The following PRKG1 variants were observed in gnomAD, a reference collection of about 807,000 sequenced individuals.
PRKG1 encodes the protein protein kinase cGMP-dependent 1.
A neutral mutation model predicts 88.1 loss-of-function variants in PRKG1; 35 were observed. The observed-to-expected ratio is 0.40, with a 90% CI of 0.30 to 0.53. PRKG1 has a LOEUF of 0.53. PRKG1 is among the 20% of genes least tolerant of loss of function. The pLI is 0.59. For synonymous variants in PRKG1, 303 were observed against 292.5 expected, an observed-to-expected ratio of 1.04 and a Z score of -0.37; for missense variants, 540 against 839.8, an observed-to-expected ratio of 0.64 and a Z score of 4.41.
chr10:52,026,117 A>G (rs190906356), intron 5 of PRKG1, among the ~76,000 whole-genome samples: 88 of 152,194 alleles, frequency 5.8e-4, no homozygotes, highest in African/African-American at 2.1e-3. Flanking sequence ...CTAGCCATAT[A>G]CAGAAAGCTA....
chr10:51,329,579 G>A (rs1048178943), intron 2 of PRKG1, among the ~76,000 whole-genome samples: 1 of 152,210 alleles, frequency 6.6e-6, no homozygotes, highest in Non-Finnish European at 1.5e-5. Context: ...TCAGCTTAAA[G>A]AATTCTGTCT....
At chr10:51,753,720 T>C (rs1335979631) in intron 3 of PRKG1, among the ~76,000 whole-genome samples, 2 of 152,186 alleles carry the variant, frequency 1.3e-5, no homozygotes, top group Non-Finnish European at 2.9e-5. Context: ...TCAACAAGTA[T>C]ATTTTTTAGA....
rs1057491684 is a variant in PRKG1 at position 52,039,995 on chromosome 10, A to G, written c.763-14489A>G. ...TAGACAGAAACAAAAAATCCTTACC[A>G]TAAGAACCACATCCTCCAATGTGTG... On this transcript the variant is annotated intron_variant, in intron 5 of 17. Transcript: ENST00000373980. Among the ~76,000 whole-genome samples, 9 of 152,240 alleles carry G rather than the reference A, an allele frequency of 5.9e-5. No individual in the cohort carries two copies. The East Asian group carries it at 1.4e-3, about 23-fold the overall frequency.
At chr10:52,145,132 G>T (rs1837696016) in intron 8 of PRKG1, among the ~76,000 whole-genome samples, 1 of 152,136 alleles carries the variant, frequency 6.6e-6, no homozygotes, top group Admixed American at 6.5e-5. Context: ...TTTACAATCA[G>T]ATGATGAATG....
intron 2 of PRKG1, among the ~76,000 whole-genome samples, chr10:51,249,518 TA>T (rs1370572358): frequency 6.6e-6 from 1 of 151,908 alleles, no homozygotes; most frequent in Non-Finnish European, 1.5e-5. Context: ...ATTTAATTGA[TA>T]TATTCTAATC....
intron 2 of PRKG1, among the ~76,000 whole-genome samples, chr10:51,200,553 A>G (rs1837887662): frequency 6.6e-6 from 1 of 152,194 alleles, no homozygotes; most frequent in Non-Finnish European, 1.5e-5. Context: ...CCAGATTGTA[A>G]CCATGTTGAA....
Position 51,238,634 on chromosome 10 carries a change from G to T in PRKG1, c.478+85304G>T, listed in dbSNP as rs374680246. ...CAAAATTAGCTGGGTGTGGTGGTGC[G>T]CCCGTAATCTCAGCTTCTCAGGAGG... On this transcript the variant is annotated intron_variant, in intron 2 of 17. Transcript: ENST00000373980. Among the ~76,000 whole-genome samples, 5 of 144,798 alleles carry T rather than the reference G, an allele frequency of 3.5e-5. No individual in the cohort carries two copies. The South Asian group carries it at 1.1e-3, about 32-fold the overall frequency. The allele number at this position is 144,798 out of a possible 152,430, so 95.0% of individuals were successfully genotyped here.
intron 9 of PRKG1, among the ~76,000 whole-genome samples, chr10:52,209,446 G>C (rs1036020180): frequency 6.6e-6 from 1 of 152,148 alleles, no homozygotes; most frequent in East Asian, 1.9e-4. Context: ...ATTTTACCTT[G>C]AGTTGTCTAT....
chr10:51,028,592 T>A (rs1365528928), intron 1 of PRKG1, among the ~76,000 whole-genome samples: 1 of 151,790 alleles, frequency 6.6e-6, no homozygotes, highest in East Asian at 1.9e-4. Context: ...AAAAAAAAAT[T>A]CAGATAACAG....
chr10:51,528,704 C>T (rs1428585423), intron 3 of PRKG1, among the ~76,000 whole-genome samples: 2 of 152,056 alleles, frequency 1.3e-5, no homozygotes, highest in Non-Finnish European at 2.9e-5. Flanking sequence ...ATAACTCTTG[C>T]AGAGGGCTAA....
chr10:51,742,529 A>G (rs190945336), intron 3 of PRKG1, among the ~76,000 whole-genome samples: 1 of 152,304 alleles, frequency 6.6e-6, no homozygotes, highest in East Asian at 1.9e-4. Flanking sequence ...TGCAGGTGGT[A>G]TGAAAGAGGT....
chr10:51,136,427 C>T lies in PRKG1; in HGVS notation c.312-16737C>T, dbSNP rs546058997. ...CTCAGCTTATAGATAGTAATTTCAG[C>T]GAAATTATCTCAGGAGAATATGTTA... On this transcript the variant is annotated intron_variant, in intron 1 of 17. Transcript: ENST00000373980. Among the ~76,000 whole-genome samples the T allele has an allele frequency of 1.3e-4, 19 of 151,636 alleles. No individual in the cohort carries two copies. In the South Asian group the frequency reaches 3.8e-3, roughly 30 times the overall value.
chr10:51,412,211 G>A (rs766471040), intron 2 of PRKG1, among the ~76,000 whole-genome samples: 52 of 124,024 alleles, frequency 4.2e-4, no homozygotes, highest in Middle Eastern at 4.1e-3. Context: ...GAGAGAGAGA[G>A]AGAAAGAAAG....
intron 2 of PRKG1, among the ~76,000 whole-genome samples, chr10:51,256,406 T>C (rs1477712460): frequency 6.6e-6 from 1 of 152,180 alleles, no homozygotes; most frequent in African/African-American, 2.4e-5. Context: ...ATGAATGTAC[T>C]GTACTTCTAG....
At chr10:51,337,743 A>G (rs909450975) in intron 2 of PRKG1, among the ~76,000 whole-genome samples, 1 of 152,288 alleles carries the variant, frequency 6.6e-6, no homozygotes, top group Middle Eastern at 3.4e-3. Context: ...TAAAAAGTCA[A>G]GAAACAACAG....
At chr10:52,238,801 C>T (rs1840763950) in intron 9 of PRKG1, among the ~76,000 whole-genome samples, 1 of 150,426 alleles carries the variant, frequency 6.6e-6, no homozygotes, top group East Asian at 2.0e-4. Context: ...TACCATTTGA[C>T]CCAGCCATCC....
intron 2 of PRKG1, among the ~76,000 whole-genome samples, chr10:51,159,940 G>T (rs1186597818): frequency 8.1e-6 from 1 of 123,244 alleles, no homozygotes; most frequent in Non-Finnish European, 1.6e-5. Flanking sequence ...TGGACCAAAA[G>T]TGAAATGGGC....
intron 5 of PRKG1, among the ~76,000 whole-genome samples, chr10:52,045,398 T>G (rs1845838862): frequency 1.3e-5 from 2 of 152,082 alleles, no homozygotes; most frequent in Non-Finnish European, 2.9e-5. Flanking sequence ...CAAGCACAAA[T>G]GCCTTGTAGC....
chr10:51,804,451 G>A, intron 3 of PRKG1, 134 bp from the exon 4 acceptor site: 1 of 642,678 alleles, frequency 1.6e-6, no homozygotes, highest in Non-Finnish European at 2.7e-6. Flanking sequence ...TGTGATATTA[G>A]CTTTAAATGT....
Sources: allele counts gnomAD v4.1 joint callset (sites outside exome capture counted in the v4.1 genomes callset), GRCh38; gene constraint gnomAD v4.1.1; transcripts MANE v1.5; gene names NCBI Gene and HGNC (gene_info 2026-07-23, HGNC 2026-07-21).